The following ARID5B variants were observed in gnomAD, a reference collection of about 807,000 sequenced individuals.
ARID5B encodes AT-rich interaction domain 5B, also known as AT-rich interactive domain-containing protein 5B.
In ARID5B, 13 loss-of-function variants were observed where a neutral mutation model predicts 97.2. The ratio of observed to expected loss-of-function variants is 0.13; its 90% confidence interval spans 0.09 to 0.21. The LOEUF (loss-of-function observed/expected upper bound fraction) is 0.21. Ranked by LOEUF, ARID5B falls within the 10% of genes least tolerant of loss-of-function variation. The pLI, the probability that ARID5B is intolerant of heterozygous loss-of-function variation, is 1.00. For synonymous variants in ARID5B, 556 were observed against 570.3 expected, an observed-to-expected ratio of 0.97 and a Z score of 0.36; for missense variants, 1,210 against 1,465.3, an observed-to-expected ratio of 0.83 and a Z score of 2.84.
At chr10:62,060,289 G>C (rs1839905695) in intron 7 of ARID5B, among the ~76,000 whole-genome samples, 1 of 152,200 alleles carries the variant, frequency 6.6e-6, no homozygotes. Context: ...CGGGTCTTGG[G>C]ATGGGGAAAG....
At chr10:62,017,875 A>G (rs963548667) in intron 4 of ARID5B, among the ~76,000 whole-genome samples, 1 of 152,298 alleles carries the variant, frequency 6.6e-6, no homozygotes, top group Non-Finnish European at 1.5e-5. Flanking sequence ...AAATTCACTG[A>G]TAATGTTCAC....
intron 4 of ARID5B, among the ~76,000 whole-genome samples, chr10:62,009,127 A>G (rs1839183951): frequency 6.6e-6 from 1 of 152,236 alleles, no homozygotes. Context: ...CTGCCTGCTC[A>G]GGAAATCTTC....
At position 62,094,466 on chromosome 10, in the gene ARID5B, G is replaced by T; in HGVS notation, c.*1436G>T. 1 of 230,992 alleles carries T rather than the reference G, an allele frequency of 4.3e-6. No individual in the cohort carries two copies. The highest frequency in any genetic ancestry group is 8.6e-6 in the Non-Finnish European group (1 of 116,612). 14.3% of individuals were successfully genotyped at this position (230,992 alleles called of 1,614,324 possible). A position where few individuals can be genotyped will look rare whatever the true frequency, so the allele number is the denominator to read the frequency against. ...TTTGGTTTTATGGGGTGTGAGTTTT[G>T]TGTGTACACACACAGAAACATGTAA... On this transcript the variant is annotated 3_prime_UTR_variant, in exon 10 of 10. Coordinates refer to ENST00000279873, the MANE Select transcript of ARID5B (RefSeq NM_032199.3).
chr10:62,037,156 C>T (rs1020194604), intron 4 of ARID5B, among the ~76,000 whole-genome samples: 1 of 152,204 alleles, frequency 6.6e-6, no homozygotes, highest in African/African-American at 2.4e-5. Flanking sequence ...GTAGAATATA[C>T]GGCAATATGG....
intron 3 of ARID5B, among the ~76,000 whole-genome samples, chr10:61,961,537 T>A (rs979056270): frequency 6.6e-6 from 1 of 152,162 alleles, no homozygotes; most frequent in African/African-American, 2.4e-5. Flanking sequence ...CACACAGATG[T>A]GAAGTCTGAA....
chr10:62,092,745 G>A lies in ARID5B; in HGVS notation c.3282G>A (p.Arg1094=). Residue 1094 remains arginine, a synonymous_variant, in exon 10 of 10, where the codon AGG becomes AGA. Transcript: ENST00000279873. ...GSLCNSGLNS[R]LPAGYSHSLQ... is the part of the protein sequence containing the mutation. ...TGTGTAACTCGGGCCTCAACTCCAG[G>A]CTCCCGGCTGGGTATTCTCATTCTC... The A allele has an allele frequency of 6.2e-7, 1 of 1,614,102 alleles. No homozygotes were observed. The highest frequency in any genetic ancestry group is 8.5e-7 in the Non-Finnish European group (1 of 1,180,014).
chr10:62,040,366 G>A (rs1453737663), intron 4 of ARID5B, among the ~76,000 whole-genome samples: 3 of 151,946 alleles, frequency 2.0e-5, no homozygotes, highest in Non-Finnish European at 4.4e-5. Context: ...TGTGTAATGT[G>A]TATATATAAC....
At chr10:62,089,042 T>C (rs1164615308) in intron 9 of ARID5B, among the ~76,000 whole-genome samples, 1 of 152,210 alleles carries the variant, frequency 6.6e-6, no homozygotes, top group Non-Finnish European at 1.5e-5. Flanking sequence ...TTCTACATCA[T>C]AGAAACTTCA....
intron 3 of ARID5B, among the ~76,000 whole-genome samples, chr10:61,958,334 A>G (rs957423804): frequency 6.6e-6 from 1 of 151,870 alleles, no homozygotes; most frequent in Non-Finnish European, 1.5e-5. Context: ...GGTTCAAGCA[A>G]TTTTTATCCT....
At chr10:61,971,741 A>C (rs1387126961) in intron 3 of ARID5B, among the ~76,000 whole-genome samples, 1 of 151,758 alleles carries the variant, frequency 6.6e-6, no homozygotes, top group African/African-American at 2.4e-5. Context: ...TTTTGTGTGA[A>C]GATACTAGCA....
intron 8 of ARID5B, among the ~76,000 whole-genome samples, chr10:62,084,567 T>G (rs192777911): frequency 1.5e-4 from 23 of 152,382 alleles, no homozygotes; most frequent in African/African-American, 5.5e-4. Context: ...TTCATATTTT[T>G]AAGGCTGAGT....
At chr10:62,088,583 G>A (rs1233655190) in intron 9 of ARID5B, among the ~76,000 whole-genome samples, 1 of 152,184 alleles carries the variant, frequency 6.6e-6, no homozygotes, top group African/African-American at 2.4e-5. Context: ...GGAGCTGTAA[G>A]TGTCTCAGGT....
chr10:61,998,117 A>G (rs1839026438), intron 3 of ARID5B, among the ~76,000 whole-genome samples: 1 of 152,224 alleles, frequency 6.6e-6, no homozygotes, highest in African/African-American at 2.4e-5. Context: ...GCAGCTAAAC[A>G]TCTCCATCCG....
At chr10:62,011,904 A>G (rs1839222382) in intron 4 of ARID5B, among the ~76,000 whole-genome samples, 1 of 152,156 alleles carries the variant, frequency 6.6e-6, no homozygotes, top group African/African-American at 2.4e-5. Context: ...GCACGGCATC[A>G]CAGCTGTGAT....
At chr10:61,997,748 C>G (rs1839021040) in intron 3 of ARID5B, among the ~76,000 whole-genome samples, 1 of 152,074 alleles carries the variant, frequency 6.6e-6, no homozygotes, top group Non-Finnish European at 1.5e-5. Context: ...GAGTATAATA[C>G]AAATCGAGTG....
intron 4 of ARID5B, among the ~76,000 whole-genome samples, chr10:62,017,643 T>G (rs183727414): frequency 6.6e-6 from 1 of 152,312 alleles, no homozygotes; most frequent in East Asian, 1.9e-4. Context: ...ATTTTCTTTT[T>G]TGTGTGTGCA....
intron 4 of ARID5B, among the ~76,000 whole-genome samples, chr10:62,045,223 G>C (rs532496021): frequency 6.6e-6 from 1 of 152,160 alleles, no homozygotes; most frequent in South Asian, 2.1e-4. Context: ...AATTTTAGGA[G>C]TGGCTTTGAT....
chr10:61,985,729 G>A (rs757152943), intron 3 of ARID5B, among the ~76,000 whole-genome samples: 8 of 152,046 alleles, frequency 5.3e-5, no homozygotes, highest in African/African-American at 9.7e-5. Context: ...TGTGAGCTAC[G>A]TGTGTATGAT....
chr10:62,003,949 T>C (rs948924572), intron 4 of ARID5B, among the ~76,000 whole-genome samples: 4 of 152,204 alleles, frequency 2.6e-5, no homozygotes, highest in African/African-American at 9.7e-5. Flanking sequence ...ATAAATTCTC[T>C]GTGGAATTTT....
Sources: gnomAD v4.1 joint callset for allele counts (sites outside exome capture counted in the v4.1 genomes callset) on GRCh38, gnomAD v4.1.1 for gene constraint, MANE v1.5 for transcripts, NCBI Gene and HGNC (gene_info 2026-07-23, HGNC 2026-07-21) for gene names.